Variants in PRH1 observed in about 807,000 individuals in gnomAD.
PRH1 encodes the protein salivary acidic proline-rich phosphoprotein 1/2.
In PRH1, 7 loss-of-function variants were observed where a neutral mutation model predicts 7.9. The ratio of observed to expected loss-of-function variants is 0.89; its 90% CI spans 0.50 to 1.67. The LOEUF is 1.67. Ranked by LOEUF, PRH1 falls within the 40% of genes most tolerant of loss-of-function variation. The pLI is 0.00. For missense variants in PRH1, 109 were observed against 223.6 expected, an observed-to-expected ratio of 0.49 and a Z score of 3.27; for synonymous variants, 45 against 80.8, an observed-to-expected ratio of 0.56 and a Z score of 2.38.
intron 2 of PRH1, among the ~76,000 whole-genome samples, chr12:10,921,752 C>T (rs2092947095): frequency 6.6e-6 from 1 of 152,124 alleles, no homozygotes; most frequent in African/African-American, 2.4e-5. Context: ...CTTAACCTTG[C>T]TATCCCTTGG....
At chr12:11,152,374 T>C (rs888738204) in intron 1 of PRH1, among the ~76,000 whole-genome samples, 19 of 151,982 alleles carry the variant, frequency 1.3e-4, no homozygotes, top group African/African-American at 3.6e-4. Flanking sequence ...TTTTGACATA[T>C]GCAAGAGTAT....
chr12:11,052,116 T>G (rs1202387244), upstream of PRH1, among the ~76,000 whole-genome samples: 1 of 152,290 alleles, frequency 6.6e-6, no homozygotes. Flanking sequence ...TTTATTGCTA[T>G]TTGCATATAT....
intron 1 of PRH1, among the ~76,000 whole-genome samples, chr12:11,009,930 G>A (rs989181661): frequency 3.3e-5 from 5 of 151,904 alleles, no homozygotes; most frequent in Non-Finnish European, 7.4e-5. Context: ...TTACCCAAGC[G>A]AGATAGAGAA....
Position 10,939,174 on chromosome 12 carries a change from C to T in PRH1, c.-59+34481G>A, listed in dbSNP as rs1263067443. 1.5e-5 allele frequency: 24 copies of T among 1,594,818 alleles called. No homozygotes were observed. The highest frequency in any genetic ancestry group is 1.8e-5 in the Non-Finnish European group (21 of 1,172,404). On this transcript the variant is annotated intron_variant, in intron 2 of 3. Coordinates refer to the PRH1 transcript ENST00000539853. ...CCAATTATAAATTCCACAATTAAAA[C>T]GAATGTAAATATGCTCTTTATGACA...
At chr12:11,034,881 CA>C (rs1369951242) in intron 1 of PRH1, 1 of 152,842 alleles carries the variant, frequency 6.5e-6, no homozygotes, top group Non-Finnish European at 1.5e-5. Flanking sequence ...AGTGAGACTC[CA>C]ACTCTACCAA....
Position 10,970,117 on chromosome 12 carries a change from T to C in PRH1, c.-59+3538A>G, listed in dbSNP as rs1268750080. Among the ~76,000 whole-genome samples the C allele has an allele frequency of 7.2e-5, 11 of 152,298 alleles. No homozygotes were observed. In the South Asian group the frequency reaches 2.3e-3, roughly 32 times the overall value. ...GCACCTGGTCCCTTGGAGTATTTTA[T>C]TATAGCAAGCAATGCAGCACTACAC... On this transcript the variant is annotated intron_variant, in intron 2 of 3. Transcript: ENST00000539853.
chr12:11,126,891 C>T (rs1392724319), intron 1 of PRH1, among the ~76,000 whole-genome samples: 1 of 152,166 alleles, frequency 6.6e-6, no homozygotes, highest in Non-Finnish European at 1.5e-5. Context: ...TGAAGGTGCC[C>T]ATGGGAAAAT....
chr12:10,892,943 A>C (rs1949595664), intron 2 of PRH1, among the ~76,000 whole-genome samples: 1 of 152,236 alleles, frequency 6.6e-6, no homozygotes, highest in African/African-American at 2.4e-5. Context: ...ATGTATGTGC[A>C]GAAATCAGAG....
intron 1 of PRH1, among the ~76,000 whole-genome samples, chr12:10,883,409 T>G (rs61914783): frequency 0.23 from 34,401 of 152,186 alleles, 3,969 homozygotes; most frequent in Non-Finnish European, 0.26. Flanking sequence ...CAGTCCCATC[T>G]GTTTTCTCAT....
intron 1 of PRH1, chr12:11,091,664 G>C (rs1331707778): frequency 8.0e-7 from 1 of 1,249,344 alleles, no homozygotes; most frequent in East Asian, 2.3e-5. Context: ...TAGGGTCAGA[G>C]TGAAGGGTAC....
intron 1 of PRH1, among the ~76,000 whole-genome samples, chr12:10,988,673 C>G (rs1310809540): frequency 2.0e-5 from 3 of 152,080 alleles, no homozygotes; most frequent in African/African-American, 7.3e-5. Flanking sequence ...AACACTCATG[C>G]AACCATCAAG....
intron 1 of PRH1, chr12:11,078,905 A>G (rs1349732221): frequency 1.3e-5 from 2 of 152,110 alleles, no homozygotes; most frequent in Admixed American, 6.6e-5. Flanking sequence ...ATAAGCTCCT[A>G]AACACATAGA....
At chr12:10,916,724 G>A (rs1949976938) in intron 2 of PRH1, among the ~76,000 whole-genome samples, 1 of 151,860 alleles carries the variant, frequency 6.6e-6, no homozygotes, top group African/African-American at 2.4e-5. Context: ...GAAAAAAAGT[G>A]CCACAGAAAT....
chr12:10,999,731 A>T (rs1307309985), intron 1 of PRH1, among the ~76,000 whole-genome samples: 2 of 152,064 alleles, frequency 1.3e-5, no homozygotes, highest in Non-Finnish European at 2.9e-5. Flanking sequence ...CATTTGCTTG[A>T]ATTTCTTTAT....
chr12:10,902,671 C>G (rs1446840293), intron 2 of PRH1, among the ~76,000 whole-genome samples: 2 of 152,094 alleles, frequency 1.3e-5, no homozygotes, highest in Non-Finnish European at 2.9e-5. Flanking sequence ...AAGTATATAG[C>G]TCAGCAGAAA....
At chr12:11,137,650 T>C (rs1461611505) in intron 1 of PRH1, among the ~76,000 whole-genome samples, 1 of 152,218 alleles carries the variant, frequency 6.6e-6, no homozygotes, top group Non-Finnish European at 1.5e-5. Flanking sequence ...TAAATAATTA[T>C]TTGCTTAAGC....
intron 2 of PRH1, among the ~76,000 whole-genome samples, chr12:10,953,490 C>A (rs2135918463): frequency 6.6e-6 from 1 of 152,234 alleles, no homozygotes; most frequent in South Asian, 2.1e-4. Flanking sequence ...ACAACAGAAT[C>A]AACAAAGCTG....
chr12:10,973,105 G>A (rs1194329123), intron 2 of PRH1, among the ~76,000 whole-genome samples: 1 of 151,742 alleles, frequency 6.6e-6, no homozygotes, highest in Non-Finnish European at 1.5e-5. Context: ...CTCATGCTTA[G>A]GTCTATAAGT....
chr12:11,033,559 A>C (rs888985002), intron 1 of PRH1, among the ~76,000 whole-genome samples: 1 of 152,148 alleles, frequency 6.6e-6, no homozygotes, highest in Non-Finnish European at 1.5e-5. Flanking sequence ...GAGCCGAAAG[A>C]AAAAATAGAT....
Sources: gnomAD v4.1 joint callset for allele counts (sites outside exome capture counted in the v4.1 genomes callset) on GRCh38, gnomAD v4.1.1 for gene constraint, MANE v1.5 for transcripts, NCBI Gene and HGNC (gene_info 2026-07-23, HGNC 2026-07-21) for gene names.